The following NKX2-8 variants were observed in gnomAD, a reference collection of about 807,000 sequenced individuals.
NKX2-8 encodes homeobox protein Nkx-2.8.
Under a neutral mutation model 6.4 loss-of-function variants are expected in NKX2-8, and 8 were observed. The ratio of observed to expected loss-of-function variants is 1.24; its 90% CI spans 0.73 to 2.24. The LOEUF (loss-of-function observed/expected upper bound fraction) is 2.24, where lower values mean the gene tolerates loss of function less well. Ranked by LOEUF, NKX2-8 falls within the 30% of genes most tolerant of loss-of-function variation. The pLI is 0.00. For synonymous variants in NKX2-8, 216 were observed against 171.5 expected, an observed-to-expected ratio of 1.26 and a Z score of -2.03; for missense variants, 406 against 351.1, an observed-to-expected ratio of 1.16 and a Z score of -1.25.
In NKX2-8 at chr14:36,581,776, C is replaced by T. The variant is rs1879251281; in HGVS notation, c.158-312G>A. Reference sequence around the variant, plus strand: ...TTTATCACAAGCTGGGTCACCAGCGCCGGCCTCCTCCAGGTCGACTGCACT... The same window carrying T: ...TTTATCACAAGCTGGGTCACCAGCGTCGGCCTCCTCCAGGTCGACTGCACT... On this transcript the variant is annotated intron_variant, in intron 1 of 1. Coordinates refer to ENST00000258829, the MANE Select transcript of NKX2-8 (RefSeq NM_014360.4). This position sits in a 1 kb window ranked among gnomAD's most constrained non-coding sequence, Gnocchi z 5.6. Among the ~76,000 whole-genome samples the T allele has an allele frequency of 6.6e-6, 1 of 152,176 alleles. No homozygotes were observed. The highest frequency in any genetic ancestry group is 1.5e-5 in the Non-Finnish European group (1 of 68,036).
At position 36,580,930 on chromosome 14, in the gene NKX2-8, G is replaced by GA; in HGVS notation, c.691dup (p.Ser231PhefsTer87). On this transcript the variant is annotated frameshift_variant, in exon 2 of 2. Transcript: ENST00000258829. LOFTEE classifies it high-confidence loss of function. ...CCAGTTCCAGGAGACCAGGGCGGGGGATGCTAAGTGCTGGTAGGCGGGGAA... is the reference window on the plus strand; with the variant it reads ...CCAGTTCCAGGAGACCAGGGCGGGGGAATGCTAAGTGCTGGTAGGCGGGGAA... The GA allele has an allele frequency of 7.5e-7, 1 of 1,336,572 alleles. No homozygotes were observed. Among genetic ancestry groups the GA allele is most frequent in the African/African-American group, 1.5e-5 (1 of 66,644 alleles). 82.8% of individuals were successfully genotyped at this position (1,336,572 alleles called of 1,614,324 possible).
rs1879273686 is a variant in NKX2-8 at position 36,582,365 on chromosome 14, A to G, written c.25T>C (p.Phe9Leu). ...AAATCTAGAAGGCTGCGCACGGTGAAGCTCAGGCGTCCAGAGGTGGCCATG... is the reference window on the plus strand; with the variant it reads ...AAATCTAGAAGGCTGCGCACGGTGAGGCTCAGGCGTCCAGAGGTGGCCATG... MATSGRLS[F>L]TVRSLLDLPE... is the part of the protein sequence containing the mutation. Residue 9 changes from phenylalanine to leucine, a missense_variant, in exon 1 of 2, where the codon TTC (phenylalanine) becomes CTC (leucine). Phe to Leu is a conservative substitution (Grantham distance 22). Coordinates refer to ENST00000258829, the MANE Select transcript of NKX2-8 (RefSeq NM_014360.4). 6.4e-7 allele frequency: 1 copy of G among 1,570,254 alleles called. No homozygotes were observed. The highest frequency in any genetic ancestry group is 8.7e-7 in the Non-Finnish European group (1 of 1,153,310).
At chr14:36,582,152 C>G in intron 1 of NKX2-8, 81 bp downstream of exon 1, 1 of 1,427,796 alleles carries the variant, frequency 7.0e-7, no homozygotes, top group Admixed American at 2.4e-5. Flanking sequence ...GGCTTTCCGG[C>G]CCCTCGTGGG....
Position 36,582,501 on chromosome 14 carries a change from G to C in NKX2-8, c.-112C>G. 1 of 1,073,804 alleles carries C rather than the reference G, an allele frequency of 9.3e-7. No homozygotes were observed. Among genetic ancestry groups the C allele is most frequent in the Non-Finnish European group, 1.3e-6 (1 of 769,516 alleles). The allele number at this position is 1,073,804 out of a possible 1,614,324, so 66.5% of individuals were successfully genotyped here. A position where few individuals can be genotyped will look rare whatever the true frequency, so the allele number is the denominator to read the frequency against. ...GCGCTCGCCATGCGCTGGCAGCCGG[G>C]ATATTAGCGCATTTACAGCGGAATC... is the stretch of plus-strand genomic sequence containing the variant. On this transcript the variant is annotated 5_prime_UTR_variant, in exon 1 of 2. The change creates a new upstream start codon in the 5' untranslated region. Coordinates refer to ENST00000258829, the MANE Select transcript of NKX2-8 (RefSeq NM_014360.4).
chr14:36,581,681 C>A lies in NKX2-8; in HGVS notation c.158-217G>T, dbSNP rs1396246886. On this transcript the variant is annotated intron_variant, in intron 1 of 1. Coordinates refer to ENST00000258829, the MANE Select transcript of NKX2-8 (RefSeq NM_014360.4). This position sits in a 1 kb window ranked among gnomAD's most constrained non-coding sequence, Gnocchi z 5.6. ...CAGCGGTCATCAGCGGGCCTGAGAT[C>A]GTGCCCCGAAAAAACCCACCCCGGG... 6.6e-6 allele frequency among the ~76,000 whole-genome samples: 1 copy of A among 152,192 alleles called. No homozygotes were observed. Among genetic ancestry groups the A allele is most frequent in the East Asian group, 1.9e-4 (1 of 5,174 alleles).
rs575416617 is a variant in NKX2-8 at position 36,581,150 on chromosome 14, C to A, written c.472G>T (p.Glu158Ter). ...AGCAGGCCGGGCGCGGCGTGCAGCT[C>A]GGCGGATGCTGCCAGGTCAGGCGAC... is the stretch of plus-strand genomic sequence containing the variant. ...AESPDLAASA[E>*]LHAAPGLLRR... The change falls in exon 2 of 2, where the codon GAG (glutamate) becomes TAG (stop). Residue 158 changes from glutamate to a stop codon, truncating the protein, a stop_gained. Transcript: ENST00000258829. LOFTEE classifies it low-confidence loss of function (END_TRUNC). The surrounding 1 kb of genome is among the most constrained non-coding windows in gnomAD (Gnocchi z 5.6). 1.3e-6 allele frequency: 2 copies of A among 1,567,316 alleles called. No homozygotes were observed. Among genetic ancestry groups the A allele is most frequent in the African/African-American group, 2.7e-5 (2 of 73,540 alleles).
At position 36,580,712 on chromosome 14, in the gene NKX2-8, G is replaced by A. The variant is rs939312530; in HGVS notation, c.*190C>T. The A allele has an allele frequency of 3.2e-5, 13 of 400,220 alleles. No individual in the cohort carries two copies. The highest frequency in any genetic ancestry group is 2.1e-4 in the African/African-American group (10 of 48,588). The allele number at this position is 400,220 out of a possible 1,614,324, so 24.8% of individuals were successfully genotyped here. A position where few individuals can be genotyped will look rare whatever the true frequency, so the allele number is the denominator to read the frequency against. ...GCGGTGGAGGGAAGGTGAGGGAGGG[G>A]GCTCTGGCACACGTCCCTCGTGTGT... On this transcript the variant is annotated 3_prime_UTR_variant, in exon 2 of 2. Transcript: ENST00000258829.
At position 36,581,401 on chromosome 14, in the gene NKX2-8, G is replaced by C. The variant is rs1379505587; in HGVS notation, c.221C>G (p.Pro74Arg). 1 of 1,596,286 alleles carries C rather than the reference G, an allele frequency of 6.3e-7. No homozygotes were observed. The highest frequency in any genetic ancestry group is 8.5e-7 in the Non-Finnish European group (1 of 1,172,254). ...CTCGGCGTCCGAGCCCGGAGACGCG[G>C]GCCTAGCGGACGGCCGCTGCGACGA... ...PDSSQRPSAR[P>R]ASPGSDAEKR... Residue 74 changes from proline to arginine, a missense_variant, in exon 2 of 2, where the codon CCC becomes CGC. Pro to Arg is a moderately radical substitution (Grantham distance 103). Coordinates refer to ENST00000258829, the MANE Select transcript of NKX2-8 (RefSeq NM_014360.4). The surrounding 1 kb of genome is among the most constrained non-coding windows in gnomAD (Gnocchi z 5.6).
At position 36,580,835 on chromosome 14, in the gene NKX2-8, C is replaced by T; in HGVS notation, c.*67G>A. The T allele has an allele frequency of 8.7e-7, 1 of 1,155,048 alleles. No individual in the cohort carries two copies. The highest frequency in any genetic ancestry group is 4.2e-5 in the Admixed American group (1 of 23,644). The allele number at this position is 1,155,048 out of a possible 1,614,324, so 71.5% of individuals were successfully genotyped here. A position where few individuals can be genotyped will look rare whatever the true frequency, so the allele number is the denominator to read the frequency against. On this transcript the variant is annotated 3_prime_UTR_variant, in exon 2 of 2. Transcript: ENST00000258829. The stretch of plus-strand genomic sequence containing the variant: ...CGGAGAGCGTTCCAGGCGTTCGGCT[C>T]CGGCCCTGCTCCAATCGCAGAGCGC...
Position 36,581,956 on chromosome 14 carries a change from C to T in NKX2-8, c.157+277G>A, listed in dbSNP as rs1241884566. On this transcript the variant is annotated intron_variant, in intron 1 of 1. Transcript: ENST00000258829. This position sits in a 1 kb window ranked among gnomAD's most constrained non-coding sequence, Gnocchi z 5.6. ...GGGGTGGGGGCGGCAGGTGGCGGCG[C>T]GTTTTAAATTTCAATTATTCCGACC... 6.6e-6 allele frequency among the ~76,000 whole-genome samples: 1 copy of T among 151,888 alleles called. No homozygotes were observed. Among genetic ancestry groups the T allele is most frequent in the African/African-American group, 2.4e-5 (1 of 41,332 alleles).
In NKX2-8 at chr14:36,581,103, C is replaced by T; in HGVS notation, c.519G>A (p.Val173=). 1 of 1,452,904 alleles carries T rather than the reference C, an allele frequency of 6.9e-7. No homozygotes were observed. Among genetic ancestry groups the T allele is most frequent in the Non-Finnish European group, 9.0e-7 (1 of 1,115,024 alleles). The allele number at this position is 1,452,904 out of a possible 1,614,324, so 90.0% of individuals were successfully genotyped here. The change falls in exon 2 of 2, where the codon GTG becomes GTA. Residue 173 remains valine, a synonymous_variant. Coordinates refer to ENST00000258829, the MANE Select transcript of NKX2-8 (RefSeq NM_014360.4). This position sits in a 1 kb window ranked among gnomAD's most constrained non-coding sequence, Gnocchi z 5.6. The part of the protein sequence containing the change: ...PGLLRRVVVP[V]LVRDGQPCGG... ...CGCACGGCTGCCCGTCGCGAACAAG[C>T]ACCGGCACCACCACGCGACGCAGCA...
rs1160713044 is a variant in NKX2-8, at chr14:36,581,923, C to CG, written c.157+309dup. Among the ~76,000 whole-genome samples the CG allele has an allele frequency of 1.6e-3, 3 of 1,912 alleles. No homozygotes were observed. Among genetic ancestry groups the CG allele is most frequent in the East Asian group, 0.015 (1 of 68 alleles). 1.3% of individuals were successfully genotyped at this position (1,912 alleles called of 152,430 possible). On this transcript the variant is annotated intron_variant, in intron 1 of 1. Coordinates refer to ENST00000258829, the MANE Select transcript of NKX2-8 (RefSeq NM_014360.4). The surrounding 1 kb of genome is among the most constrained non-coding windows in gnomAD (Gnocchi z 5.6). ...CGTGTTTTCAGGCATGGAGAGGGGG[C>CG]GGGGGGTGGGGTGGGGGCGGCAGGT...
In NKX2-8 at chr14:36,581,312, G is replaced by A. The variant is rs1396600549; in HGVS notation, c.310C>T (p.Arg104Trp). Residue 104 changes from arginine (R) to tryptophan (W), a missense_variant, in exon 2 of 2, where the codon CGG (arginine) becomes TGG (tryptophan). Arg to Trp is a moderately radical substitution (Grantham distance 101). Coordinates refer to ENST00000258829, the MANE Select transcript of NKX2-8 (RefSeq NM_014360.4). This position sits in a 1 kb window ranked among gnomAD's most constrained non-coding sequence, Gnocchi z 5.6. ...AQTLELERRF[R>W]QQRYLSAPER... is the part of the protein sequence containing the mutation. ...GGCGCAGACAGGTACCGCTGCTGCCGGAAGCGCCGCTCCAACTCCAGCGTC... is the reference window on the plus strand; with the variant it reads ...GGCGCAGACAGGTACCGCTGCTGCCAGAAGCGCCGCTCCAACTCCAGCGTC... 3.1e-6 allele frequency: 5 copies of A among 1,588,084 alleles called. No individual in the cohort carries two copies. In the Admixed American group the frequency reaches 5.4e-5, roughly 17 times the overall value.
rs771608170 is a variant in NKX2-8, at chr14:36,581,205, C to T, written c.417G>A (p.Leu139=). The T allele has an allele frequency of 5.6e-6, 9 of 1,609,408 alleles. No individual in the cohort carries two copies. Among genetic ancestry groups the T allele is most frequent in the Non-Finnish European group, 1.7e-6 (2 of 1,179,098 alleles). The change falls in exon 2 of 2, where the codon CTG becomes CTA. Residue 139 remains leucine, a synonymous_variant. Transcript: ENST00000258829. This position sits in a 1 kb window ranked among gnomAD's most constrained non-coding sequence, Gnocchi z 5.6. The part of the protein sequence containing the change: ...KIWFQNHRYK[L]KRARAPGAAE... ...CCGCCCCTGGAGCGCGAGCGCGCTT[C>T]AGCTTGTAGCGATGATTCTGGAACC...
rs1879197109 is a variant in NKX2-8 at position 36,580,814 on chromosome 14, G to C, written c.*88C>G. On this transcript the variant is annotated 3_prime_UTR_variant, in exon 2 of 2. Transcript: ENST00000258829. ...ATGGGGCTGCAGGGAGGCGGACGGA[G>C]AGCGTTCCAGGCGTTCGGCTCCGGC... 1 of 992,756 alleles carries C rather than the reference G, an allele frequency of 1.0e-6. No individual in the cohort carries two copies. Among genetic ancestry groups the C allele is most frequent in the Non-Finnish European group, 1.3e-6 (1 of 767,340 alleles). The allele number at this position is 992,756 out of a possible 1,614,324, so 61.5% of individuals were successfully genotyped here. A position where few individuals can be genotyped will look rare whatever the true frequency, so the allele number is the denominator to read the frequency against.
rs957514252 is a variant in NKX2-8 at position 36,581,435 on chromosome 14, G to A, written c.187C>T (p.Pro63Ser). ...SSDESSLETS[P>S]PDSSQRPSAR... ...GACGGCCGCTGCGACGAGTCTGGCG[G>A]GCTGGTCTCCAGGCTGCTCTCGTCC... The change falls in exon 2 of 2, where the codon CCG (proline) becomes TCG (serine). Residue 63 changes from proline (P) to serine (S), a missense_variant. By Grantham distance (74) the Pro-to-Ser change is moderately conservative. Coordinates refer to ENST00000258829, the MANE Select transcript of NKX2-8 (RefSeq NM_014360.4). This position sits in a 1 kb window ranked among gnomAD's most constrained non-coding sequence, Gnocchi z 5.6. 2 of 1,582,532 alleles carry A rather than the reference G, an allele frequency of 1.3e-6. No homozygotes were observed. Among genetic ancestry groups the A allele is most frequent in the Admixed American group, 1.7e-5 (1 of 57,220 alleles).
rs1428633186 is a variant in NKX2-8, at chr14:36,580,175, T to C, written c.*727A>G. On this transcript the variant is annotated 3_prime_UTR_variant, in exon 2 of 2. Transcript: ENST00000258829. ...GGTGCAGCGCGCCCCGCACCTGGCC[T>C]CGCCGGCTCATCTCCGGAGAAACTC... is the stretch of plus-strand genomic sequence containing the variant. Among the ~76,000 whole-genome samples the C allele has an allele frequency of 6.6e-6, 1 of 152,098 alleles. No homozygotes were observed. The highest frequency in any genetic ancestry group is 1.5e-5 in the Non-Finnish European group (1 of 68,016).
rs1422962562 is a variant in NKX2-8 at position 36,581,079 on chromosome 14, G to C, written c.543C>G (p.Cys181Trp). 3.6e-6 allele frequency: 5 copies of C among 1,397,138 alleles called. No individual in the cohort carries two copies. The African/African-American group carries it at 7.6e-5, about 21-fold the overall frequency. The allele number at this position is 1,397,138 out of a possible 1,614,324, so 86.5% of individuals were successfully genotyped here. ...VPVLVRDGQPCGGGGGGEVGT... is the reference protein window; with the variant it reads ...VPVLVRDGQPWGGGGGGEVGT... ...CCACCTCGCCACCGCCGCCGCCGCCGCACGGCTGCCCGTCGCGAACAAGCA... is the reference window on the plus strand; with the variant it reads ...CCACCTCGCCACCGCCGCCGCCGCCCCACGGCTGCCCGTCGCGAACAAGCA... Residue 181 changes from cysteine to tryptophan, a missense_variant, in exon 2 of 2, where the codon TGC becomes TGG. Coordinates refer to ENST00000258829, the MANE Select transcript of NKX2-8 (RefSeq NM_014360.4). This position sits in a 1 kb window ranked among gnomAD's most constrained non-coding sequence, Gnocchi z 5.6.
chr14:36,582,048 T>C (rs1400745169), intron 1 of NKX2-8, among the ~76,000 whole-genome samples, 185 bp downstream of exon 1: 2 of 152,156 alleles, frequency 1.3e-5, no homozygotes, highest in Non-Finnish European at 2.9e-5. Flanking sequence ...GATCTGCTCT[T>C]AGGATGTGCC....
Sources: gnomAD v4.1 joint callset for allele counts (sites outside exome capture counted in the v4.1 genomes callset) on GRCh38, gnomAD v4.1.1 for gene constraint, Gnocchi (gnomAD v3.1) non-coding constraint, MANE v1.5 for transcripts, NCBI Gene and HGNC (gene_info 2026-07-23, HGNC 2026-07-21) for gene names.